OPCML: variants seen among roughly 807,000 people sequenced by gnomAD.
OPCML encodes opioid binding protein/cell adhesion molecule like.
A neutral mutation model predicts 37.8 loss-of-function variants in OPCML; 13 were observed. That is an observed-to-expected ratio of 0.34 (90% CI 0.22 to 0.55). The LOEUF is 0.55. OPCML is among the 20% of genes least tolerant of loss of function. The probability of loss-of-function intolerance (pLI) is 0.91; values close to 1 mark genes in which losing one functional copy is unlikely to be tolerated. For synonymous variants in OPCML, 176 were observed against 168.8 expected, an observed-to-expected ratio of 1.04 and a Z score of -0.33; for missense variants, 341 against 435.6, an observed-to-expected ratio of 0.78 and a Z score of 1.93.
intron 2 of OPCML, among the ~76,000 whole-genome samples, chr11:132,785,902 T>A (rs931498842): frequency 1.3e-5 from 2 of 152,218 alleles, no homozygotes; most frequent in South Asian, 2.1e-4. Context: ...TGACATTTTT[T>A]AAAAAATATT....
At position 132,943,180 on chromosome 11, in the gene OPCML, G is replaced by C. The variant is rs541475663; in HGVS notation, c.62-170C>G. 8.7e-4 allele frequency: 1,372 copies of C among 1,585,952 alleles called. 7 individuals are homozygous for C. In the Middle Eastern group the frequency reaches 9.4e-3, roughly 11 times the overall value. On this transcript the variant is annotated intron_variant, in intron 1 of 7. Transcript: ENST00000524381. This position sits in a 1 kb window ranked among gnomAD's most constrained non-coding sequence, Gnocchi z 4.3. ...CACCAGCGGGCTCGGGAAGCGGTGC[G>C]GGGAGGAGGGAAGGGGCAGAGTTCG... is the stretch of plus-strand genomic sequence containing the variant.
intron 1 of OPCML, among the ~76,000 whole-genome samples, chr11:133,278,330 G>T (rs916674788): frequency 7.2e-5 from 11 of 152,176 alleles, no homozygotes; most frequent in African/African-American, 2.4e-4. Flanking sequence ...TCTTTTTTAG[G>T]GGGGGTTATT....
chr11:132,778,697 G>T (rs1946888547), intron 2 of OPCML, among the ~76,000 whole-genome samples: 1 of 152,082 alleles, frequency 6.6e-6, no homozygotes, highest in Non-Finnish European at 1.5e-5. Context: ...AATAAAAACT[G>T]AAATGGGCCT....
intron 4 of OPCML, among the ~76,000 whole-genome samples, chr11:132,512,734 T>C (rs939532222): frequency 1.3e-5 from 2 of 150,284 alleles, no homozygotes; most frequent in African/African-American, 4.9e-5. Context: ...CATATACATA[T>C]TTTGCTAAAT....
At chr11:132,539,223 C>A (rs2096349177) in intron 3 of OPCML, among the ~76,000 whole-genome samples, 1 of 152,102 alleles carries the variant, frequency 6.6e-6, no homozygotes, top group Non-Finnish European at 1.5e-5. Context: ...TGAAGTGGTG[C>A]AAAGCTCCAT....
chr11:133,446,438 T>C (rs1716927004), intron 1 of OPCML, among the ~76,000 whole-genome samples: 1 of 152,162 alleles, frequency 6.6e-6, no homozygotes, highest in African/African-American at 2.4e-5. Flanking sequence ...ATTTTATTCT[T>C]TTTAGAGTCA....
At chr11:132,824,393 T>C (rs1207238984) in intron 2 of OPCML, among the ~76,000 whole-genome samples, 2 of 152,224 alleles carry the variant, frequency 1.3e-5, no homozygotes, top group East Asian at 1.9e-4. Context: ...CTGTCCTCTC[T>C]GCTACCCTTC....
chr11:133,253,187 T>C (rs1941199640), intron 1 of OPCML, among the ~76,000 whole-genome samples: 1 of 151,724 alleles, frequency 6.6e-6, no homozygotes, highest in South Asian at 2.1e-4. Context: ...TTCTCTTTTA[T>C]AAAGGAATTA....
At chr11:133,250,542 AAGGAAGG>A (rs1941096909) in intron 1 of OPCML, among the ~76,000 whole-genome samples, 1 of 78,050 alleles carries the variant, frequency 1.3e-5, no homozygotes, top group Non-Finnish European at 2.7e-5. Context: ...GGAGGGAAGG[AAGGAAGG>A]AAGGAAGGAG....
chr11:132,461,696 T>C (rs908292735), intron 4 of OPCML, among the ~76,000 whole-genome samples: 1 of 152,142 alleles, frequency 6.6e-6, no homozygotes, highest in African/African-American at 2.4e-5. Flanking sequence ...GGATAATTTA[T>C]AAAAGAAAGA....
At chr11:132,816,776 T>C in intron 2 of OPCML, among the ~76,000 whole-genome samples, 1 of 152,186 alleles carries the variant, frequency 6.6e-6, no homozygotes, top group East Asian at 1.9e-4. Flanking sequence ...AGGATAGAGA[T>C]AACAACTCTT....
At chr11:133,482,625 C>T (rs1460560320) in intron 1 of OPCML, among the ~76,000 whole-genome samples, 1 of 152,062 alleles carries the variant, frequency 6.6e-6, no homozygotes, top group Non-Finnish European at 1.5e-5. Context: ...CCTGTTCTGT[C>T]ACCACTGAAA....
chr11:133,264,804 AAT>A (rs1183085988), intron 1 of OPCML, among the ~76,000 whole-genome samples: 1 of 152,206 alleles, frequency 6.6e-6, no homozygotes, highest in Non-Finnish European at 1.5e-5. Flanking sequence ...ATCTGTCATC[AAT>A]ATGTCATAAT....
At chr11:133,164,001 G>A (rs192702253) in intron 1 of OPCML, among the ~76,000 whole-genome samples, 76 of 152,262 alleles carry the variant, frequency 5.0e-4, no homozygotes, top group Non-Finnish European at 9.8e-4. Context: ...AGGGGTTGAC[G>A]TCTTACACGC....
intron 7 of OPCML, 58 bp downstream of exon 7, chr11:132,436,028 A>G: frequency 1.3e-6 from 2 of 1,569,690 alleles, no homozygotes; most frequent in Non-Finnish European, 1.7e-6. Context: ...CTCCCTCCTG[A>G]GTCCCTCAAG....
intron 1 of OPCML, among the ~76,000 whole-genome samples, chr11:133,437,186 T>C (rs1946251406): frequency 6.6e-6 from 1 of 152,166 alleles, no homozygotes; most frequent in Admixed American, 6.5e-5. Flanking sequence ...AGGACCCAGA[T>C]TGTAGTTTGT....
At chr11:133,007,649 T>C in intron 1 of OPCML, 2 of 985,424 alleles carry the variant, frequency 2.0e-6, no homozygotes, top group South Asian at 4.7e-5. Context: ...TTATTCTCTT[T>C]CAGTCTTTTA....
intron 1 of OPCML, among the ~76,000 whole-genome samples, chr11:133,330,400 A>G (rs1255109372): frequency 1.3e-5 from 2 of 152,184 alleles, no homozygotes; most frequent in East Asian, 1.9e-4. Flanking sequence ...TGTTTATTGC[A>G]GCACTATTCA....
At chr11:133,032,809 A>C (rs372794385) in intron 1 of OPCML, among the ~76,000 whole-genome samples, 1 of 152,144 alleles carries the variant, frequency 6.6e-6, no homozygotes, top group Non-Finnish European at 1.5e-5. Context: ...CAAAGACTCT[A>C]ATACAAACAT....
Sources: allele counts gnomAD v4.1 joint callset (sites outside exome capture counted in the v4.1 genomes callset), GRCh38; gene constraint gnomAD v4.1.1; non-coding constraint Gnocchi (gnomAD v3.1); transcripts MANE v1.5; gene names NCBI Gene and HGNC (gene_info 2026-07-23, HGNC 2026-07-21).